The following ZBED6 variants were observed in gnomAD, a reference collection of about 807,000 sequenced individuals.
ZBED6 encodes zinc finger BED-type containing 6, also known as zinc finger BED domain-containing protein 6.
A neutral mutation model predicts 58.4 loss-of-function variants in ZBED6; 40 were observed. The observed-to-expected ratio is 0.68, with a 90% CI of 0.53 to 0.89. The LOEUF is 0.89. ZBED6 is among the 40% of genes least tolerant of loss of function. The probability of loss-of-function intolerance (pLI) is 0.00; values close to 1 mark genes in which losing one functional copy is unlikely to be tolerated. For synonymous variants in ZBED6, 439 were observed against 350.6 expected (o/e 1.25, Z -2.82); for missense variants, 1,057 against 1,003.9 (o/e 1.05, Z -0.71).
chr1:203,798,346 C>G (rs777550685), exon 1 of ZBED6: 1 of 1,535,678 alleles, frequency 6.5e-7, no homozygotes, highest in Non-Finnish European at 8.7e-7. Flanking sequence ...TTTTTTTACA[C>G]TGATCCTCAG....
exon 1 of ZBED6, chr1:203,798,033 A>G (rs1669218429): frequency 3.3e-6 from 5 of 1,534,294 alleles, no homozygotes; most frequent in East Asian, 2.4e-5. Flanking sequence ...TGGTACATCT[A>G]CTCTTCAACG....
exon 1 of ZBED6, chr1:203,799,228 T>C: frequency 1.1e-6 from 1 of 883,838 alleles, no homozygotes; most frequent in South Asian, 1.4e-5. Context: ...TCCTCTAATG[T>C]GGTACATGCA....
At position 203,818,307 on chromosome 1, in the gene ZBED6, A is replaced by T. The variant is rs1295430994; in HGVS notation, c.*2754-263A>T. Among the ~76,000 whole-genome samples the T allele has an allele frequency of 3.5e-3, 539 of 151,896 alleles. 4 individuals carry two copies. Among genetic ancestry groups the T allele is most frequent in the Non-Finnish European group, 6.4e-3 (436 of 67,904 alleles). ...AATACATTTTTAAAGAGGACCTAAC[A>T]CTCCTACTTGTCTTTTTCAACTCTT... is the stretch of plus-strand genomic sequence containing the variant. On this transcript the variant is annotated intron_variant, in intron 2 of 16. Transcript: ENST00000550078.
At chr1:203,796,235 C>G (rs1558084056) in exon 1 of ZBED6, 1 of 393,938 alleles carries the variant, frequency 2.5e-6, no homozygotes, top group Non-Finnish European at 4.5e-6. Flanking sequence ...CCCTCACTGC[C>G]TAAATCAATC....
chr1:203,839,126 C>T (rs371226304), intron 10 of ZBED6, among the ~76,000 whole-genome samples: 14 of 151,962 alleles, frequency 9.2e-5, no homozygotes, highest in Non-Finnish European at 1.6e-4. Context: ...CTAGATAAGA[C>T]GAGGTAGTGG....
At chr1:203,832,365 ATT>A (rs575486286) in intron 8 of ZBED6, among the ~76,000 whole-genome samples, 4 of 143,438 alleles carry the variant, frequency 2.8e-5, no homozygotes, top group African/African-American at 2.5e-5. Context: ...TTGGCCATTA[ATT>A]TTTTTTTTTT....
intron 11 of ZBED6, among the ~76,000 whole-genome samples, chr1:203,845,622 T>TGG (rs1421857684): frequency 6.6e-6 from 1 of 152,162 alleles, no homozygotes; most frequent in Non-Finnish European, 1.5e-5. Context: ...CCCAGCACTT[T>TGG]GGGAGGCCAG....
intron 1 of ZBED6, among the ~76,000 whole-genome samples, chr1:203,810,655 G>A (rs1674133971): frequency 6.6e-6 from 1 of 152,052 alleles, no homozygotes; most frequent in South Asian, 2.1e-4. Context: ...TCCTGACCTC[G>A]TGATCCACCC....
exon 1 of ZBED6, chr1:203,800,257 G>A (rs1670138052): frequency 9.1e-7 from 1 of 1,103,888 alleles, no homozygotes; most frequent in Non-Finnish European, 1.3e-6. Context: ...CCCATGTGTA[G>A]TTGGCAATCT....
intron 1 of ZBED6, among the ~76,000 whole-genome samples, chr1:203,812,560 G>T (rs547843993): frequency 6.9e-6 from 1 of 145,274 alleles, no homozygotes; most frequent in African/African-American, 2.5e-5. Flanking sequence ...TCAGTATTTT[G>T]GATTTTAGCC....
intron 1 of ZBED6, among the ~76,000 whole-genome samples, chr1:203,816,371 T>A (rs1676382334): frequency 6.6e-6 from 1 of 152,164 alleles, no homozygotes; most frequent in South Asian, 2.1e-4. Context: ...ACACCTATAA[T>A]CCCAGCATTT....
chr1:203,850,759 C>A, intron 15 of ZBED6, 78 bp downstream of exon 15: 1 of 1,538,192 alleles, frequency 6.5e-7, no homozygotes. Context: ...CACTAGCATT[C>A]TATCTTGAGT....
At chr1:203,806,548 C>A (rs1672409638) in intron 1 of ZBED6, among the ~76,000 whole-genome samples, 1 of 152,164 alleles carries the variant, frequency 6.6e-6, no homozygotes, top group African/African-American at 2.4e-5. Flanking sequence ...AGTGATCAGC[C>A]CACCTAGGCC....
intron 10 of ZBED6, among the ~76,000 whole-genome samples, chr1:203,839,880 C>T (rs1480438591): frequency 6.6e-6 from 1 of 152,008 alleles, no homozygotes; most frequent in East Asian, 1.9e-4. Flanking sequence ...CTCAGCTCAC[C>T]CCAACCTCCA....
intron 3 of ZBED6, among the ~76,000 whole-genome samples, chr1:203,819,261 G>C (rs935983798): frequency 1.5e-5 from 2 of 136,532 alleles, no homozygotes; most frequent in Non-Finnish European, 3.1e-5. Flanking sequence ...TCACTCTGTC[G>C]CCCACGCTGG....
chr1:203,848,532 C>T, intron 13 of ZBED6, 125 bp downstream of exon 13: 1 of 661,666 alleles, frequency 1.5e-6, no homozygotes, highest in Non-Finnish European at 2.5e-6. Flanking sequence ...TTTCTTTTTA[C>T]TTATAATTTC....
At chr1:203,833,676 A>G (rs1403894230) in intron 8 of ZBED6, 115 bp from the exon 9 acceptor site, 2 of 690,336 alleles carry the variant, frequency 2.9e-6, no homozygotes, top group Admixed American at 3.7e-5. Context: ...CTGATTTTCA[A>G]GAGACTTTCT....
chr1:203,796,632 A>G, exon 1 of ZBED6: 1 of 394,678 alleles, frequency 2.5e-6, no homozygotes, highest in Non-Finnish European at 4.5e-6. Context: ...GGGGAAGGGG[A>G]GGGATCAATC....
At chr1:203,806,308 C>CTT (rs201752688) in intron 1 of ZBED6, 40 of 212,022 alleles carry the variant, frequency 1.9e-4, no homozygotes, top group South Asian at 5.2e-4. Context: ...TTTCTTTTTC[C>CTT]TTTTTTTTTT....
Sources: gnomAD v4.1 joint callset for allele counts (sites outside exome capture counted in the v4.1 genomes callset) on GRCh38, gnomAD v4.1.1 for gene constraint, MANE v1.5 for transcripts, NCBI Gene and HGNC (gene_info 2026-07-23, HGNC 2026-07-21) for gene names.